Variants in TNKS2 observed in about 807,000 individuals in gnomAD.
The protein encoded by TNKS2 is tankyrase 2, also known as poly [ADP-ribose] polymerase tankyrase-2.
Under a neutral mutation model 137.6 loss-of-function variants are expected in TNKS2, and 72 were observed. That is an observed-to-expected ratio of 0.52 (90% CI 0.43 to 0.64). The LOEUF (loss-of-function observed/expected upper bound fraction) is 0.64. TNKS2 is among the 30% of genes least tolerant of loss of function. TNKS2 has a pLI of 0.00. For synonymous variants in TNKS2, 516 were observed against 512.1 expected (o/e 1.01, Z -0.10); for missense variants, 1,049 against 1,410.2 (o/e 0.74, Z 4.10).
At position 91,819,187 on chromosome 10, in the gene TNKS2, A is replaced by G. The variant is rs958050783; in HGVS notation, c.521-83A>G. The G allele has an allele frequency of 1.0e-5, 8 of 778,096 alleles. No individual in the cohort carries two copies. In the Admixed American group the frequency reaches 1.1e-4, roughly 11 times the overall value. 48.2% of individuals were successfully genotyped at this position (778,096 alleles called of 1,614,324 possible). On this transcript the variant is annotated intron_variant, in intron 3 of 26. Coordinates refer to ENST00000371627, the MANE Select transcript of TNKS2 (RefSeq NM_025235.4). ...ATTTGTTTCCAAATTTATCTACTTT[A>G]TAATTCATTGGGCATCTTTTTGCAT...
chr10:91,825,014 T>C (rs961760604), intron 7 of TNKS2, among the ~76,000 whole-genome samples: 1 of 152,198 alleles, frequency 6.6e-6, no homozygotes, highest in Admixed American at 6.5e-5. Context: ...TAATCATGGA[T>C]GCACTGTACT....
At chr10:91,825,026 T>C (rs1487661491) in intron 7 of TNKS2, among the ~76,000 whole-genome samples, 1 of 152,184 alleles carries the variant, frequency 6.6e-6, no homozygotes, top group Admixed American at 6.5e-5. Flanking sequence ...CACTGTACTC[T>C]GCACACCCAA....
rs1404351492 is a variant in TNKS2 at position 91,828,277 on chromosome 10, T to C, written c.983-8T>C. The stretch of plus-strand genomic sequence containing the variant: ...CGTTATACATGTAAATGCTTTTTCT[T>C]CATCTAGATGAATTTAAAGGCCACT... On this transcript the variant is annotated splice_region_variant and splice_polypyrimidine_tract_variant and intron_variant, in intron 8 of 26. Coordinates refer to ENST00000371627, the MANE Select transcript of TNKS2 (RefSeq NM_025235.4). 2 of 1,557,024 alleles carry C rather than the reference T, an allele frequency of 1.3e-6. No homozygotes were observed. The highest frequency in any genetic ancestry group is 1.7e-6 in the Non-Finnish European group (2 of 1,155,688).
Position 91,862,115 on chromosome 10 carries a change from G to T in TNKS2, c.3398G>T (p.Gly1133Val). The T allele has an allele frequency of 6.2e-7, 1 of 1,611,456 alleles. No individual in the cohort carries two copies. Among genetic ancestry groups the T allele is most frequent in the Non-Finnish European group, 8.5e-7 (1 of 1,178,718 alleles). The change falls in exon 26 of 27, where the codon GGC becomes GTC. Residue 1133 changes from glycine (G) to valine (V), a missense_variant. Physicochemically the swap from Gly to Val is moderately radical, Grantham distance 109. Transcript: ENST00000371627. ...HSVTGRPSVN[G>V]LALAEYVIYR... The stretch of plus-strand genomic sequence containing the variant: ...GTCACTGGTAGGCCCAGTGTAAATG[G>T]CCTAGCATTAGCTGAATATGTTATT...
At chr10:91,831,871 C>T (rs1246349257) in intron 11 of TNKS2, among the ~76,000 whole-genome samples, 1 of 152,174 alleles carries the variant, frequency 6.6e-6, no homozygotes, top group Non-Finnish European at 1.5e-5. Context: ...TTGCCTCCTT[C>T]AAACAAAATC....
At chr10:91,802,549 A>G (rs1195433952) in intron 1 of TNKS2, among the ~76,000 whole-genome samples, 5 of 152,206 alleles carry the variant, frequency 3.3e-5, no homozygotes, top group Admixed American at 2.6e-4. Flanking sequence ...GCCTAGTTCG[A>G]CCAACAGGTT....
At chr10:91,828,840 A>G (rs923973216) in intron 9 of TNKS2, among the ~76,000 whole-genome samples, 2 of 152,174 alleles carry the variant, frequency 1.3e-5, no homozygotes, top group Admixed American at 6.5e-5. Context: ...TAGAATGTGA[A>G]TAAAGTATTT....
intron 1 of TNKS2, among the ~76,000 whole-genome samples, chr10:91,808,678 A>ATGT (rs1844405053): frequency 1.3e-5 from 2 of 152,188 alleles, no homozygotes; most frequent in South Asian, 4.1e-4. Context: ...AGAAGGAAAT[A>ATGT]TGTTAAGCAA....
chr10:91,838,022 A>C lies in TNKS2; in HGVS notation c.1527+1024A>C, dbSNP rs189370092. Among the ~76,000 whole-genome samples, 637 of 147,114 alleles carry C rather than the reference A, an allele frequency of 4.3e-3. 5 individuals are homozygous for C. Among genetic ancestry groups the C allele is most frequent in the African/African-American group, 0.015 (602 of 40,318 alleles). ...TTCAGGAAACATGAAAATTGAGTTG[A>C]AAGCAATTAGCTGATTTTTTTTTTT... On this transcript the variant is annotated intron_variant, in intron 13 of 26. Transcript: ENST00000371627.
chr10:91,839,990 A>G (rs1233541288), intron 13 of TNKS2, among the ~76,000 whole-genome samples: 2 of 152,210 alleles, frequency 1.3e-5, no homozygotes, highest in Non-Finnish European at 2.9e-5. Flanking sequence ...CTGTATATAT[A>G]TATAGTAGCG....
chr10:91,807,628 A>G (rs1422186365), intron 1 of TNKS2, among the ~76,000 whole-genome samples: 3 of 152,192 alleles, frequency 2.0e-5, no homozygotes, highest in Non-Finnish European at 4.4e-5. Context: ...GCTCTGTACC[A>G]TGTACTCTAA....
At chr10:91,848,136 T>C (rs1235006677) in intron 18 of TNKS2, among the ~76,000 whole-genome samples, 1 of 152,144 alleles carries the variant, frequency 6.6e-6, no homozygotes, top group Non-Finnish European at 1.5e-5. Flanking sequence ...GATCCCCAAA[T>C]CTGAAATCCA....
chr10:91,811,145 C>T (rs1308795978), intron 1 of TNKS2, among the ~76,000 whole-genome samples: 3 of 151,618 alleles, frequency 2.0e-5, no homozygotes, highest in African/African-American at 4.8e-5. Context: ...AGGCTGGTCT[C>T]GAACTCCTGA....
chr10:91,811,165 C>G (rs930793524), intron 1 of TNKS2, among the ~76,000 whole-genome samples: 1 of 151,880 alleles, frequency 6.6e-6, no homozygotes, highest in African/African-American at 2.4e-5. Context: ...ACCTCGTGAT[C>G]TGCCCACCTG....
chr10:91,808,777 A>G (rs1449024277), intron 1 of TNKS2, among the ~76,000 whole-genome samples: 1 of 152,212 alleles, frequency 6.6e-6, no homozygotes, highest in Non-Finnish European at 1.5e-5. Context: ...ATGGGATCAG[A>G]TAAGATTATC....
At chr10:91,832,022 C>A (rs558219490) in intron 11 of TNKS2, among the ~76,000 whole-genome samples, 30 of 152,148 alleles carry the variant, frequency 2.0e-4, no homozygotes, top group Admixed American at 5.9e-4. Context: ...TTATTCTTAC[C>A]TATCCTTTCT....
At chr10:91,845,970 G>C in intron 18 of TNKS2, 30 bp downstream of exon 18, 1 of 1,477,972 alleles carries the variant, frequency 6.8e-7, no homozygotes. Context: ...AAAAATCTCA[G>C]TGCTTTTCTG....
At chr10:91,840,438 G>A in intron 13 of TNKS2, 123 bp from the exon 14 acceptor site, 1 of 833,614 alleles carries the variant, frequency 1.2e-6, no homozygotes, top group Non-Finnish European at 1.9e-6. Flanking sequence ...TAGTTTCTGA[G>A]AATACTGATT....
chr10:91,799,896 G>T (rs1284912508), intron 1 of TNKS2, among the ~76,000 whole-genome samples: 1 of 152,168 alleles, frequency 6.6e-6, no homozygotes, highest in Non-Finnish European at 1.5e-5. Context: ...AAAAATCGGG[G>T]AATACCTTTT....
Sources: gnomAD v4.1 joint callset for allele counts (sites outside exome capture counted in the v4.1 genomes callset) on GRCh38, gnomAD v4.1.1 for gene constraint, MANE v1.5 for transcripts, NCBI Gene and HGNC (gene_info 2026-07-23, HGNC 2026-07-21) for gene names.